The following FAM110B variants were observed in gnomAD, a reference collection of about 807,000 sequenced individuals.
The protein encoded by FAM110B is protein FAM110B.
In FAM110B, 6 loss-of-function variants were observed where a neutral mutation model predicts 20.4. That is an observed-to-expected ratio of 0.29 (90% CI 0.16 to 0.58). The LOEUF (loss-of-function observed/expected upper bound fraction) is 0.58, where lower values mean the gene tolerates loss of function less well. Ranked by LOEUF, FAM110B falls within the 20% of genes least tolerant of loss-of-function variation. The pLI, the probability that FAM110B is intolerant of heterozygous loss-of-function variation, is 0.90. For synonymous variants in FAM110B, 226 were observed against 214.1 expected (o/e 1.06, Z -0.49); for missense variants, 434 against 498.2 (o/e 0.87, Z 1.23).
At chr8:58,002,207 G>A (rs916490149) in intron 1 of FAM110B, among the ~76,000 whole-genome samples, 5 of 152,170 alleles carry the variant, frequency 3.3e-5, no homozygotes, top group African/African-American at 1.2e-4. Context: ...GGTACAGCCA[G>A]AAATAATGTT....
At chr8:58,052,024 A>G (rs1045338502) in intron 2 of FAM110B, among the ~76,000 whole-genome samples, 25 of 152,208 alleles carry the variant, frequency 1.6e-4, no homozygotes, top group African/African-American at 5.8e-4. Flanking sequence ...TAATTTTCTT[A>G]AAGTCAGTAT....
chr8:58,025,359 C>T (rs1483883796), intron 1 of FAM110B, among the ~76,000 whole-genome samples: 1 of 152,118 alleles, frequency 6.6e-6, no homozygotes, highest in Non-Finnish European at 1.5e-5. Flanking sequence ...CAGTGGGTAG[C>T]ATGTGCACAG....
chr8:58,039,879 C>T (rs1805172958), intron 2 of FAM110B, among the ~76,000 whole-genome samples: 1 of 152,192 alleles, frequency 6.6e-6, no homozygotes, highest in Non-Finnish European at 1.5e-5. Context: ...ACCTCAGCTT[C>T]CCAAGTAGCT....
chr8:58,136,060 G>A (rs977230454), intron 3 of FAM110B, among the ~76,000 whole-genome samples: 4 of 133,240 alleles, frequency 3.0e-5, no homozygotes, highest in Non-Finnish European at 6.1e-5. Flanking sequence ...TCTCCAGGCT[G>A]AAGTTCAGTG....
chr8:58,107,746 G>A (rs1225471227), intron 3 of FAM110B, among the ~76,000 whole-genome samples: 1 of 152,190 alleles, frequency 6.6e-6, no homozygotes, highest in East Asian at 1.9e-4. Flanking sequence ...TTACAGTTTT[G>A]GAGAGTGTTC....
intron 3 of FAM110B, among the ~76,000 whole-genome samples, chr8:58,100,030 TCAGTA>T (rs1806737702): frequency 6.6e-6 from 1 of 152,158 alleles, no homozygotes; most frequent in Non-Finnish European, 1.5e-5. Context: ...AAGCCATTTC[TCAGTA>T]CTGTCTGGCC....
Position 58,130,531 on chromosome 8 carries a change from C to T in FAM110B, c.-324-15376C>T, listed in dbSNP as rs538764309. Among the ~76,000 whole-genome samples the T allele has an allele frequency of 3.9e-4, 60 of 152,314 alleles. 1 individual carries two copies. Among genetic ancestry groups the T allele is most frequent in the Middle Eastern group, 3.4e-3 (1 of 294 alleles). On this transcript the variant is annotated intron_variant, in intron 3 of 3. Transcript: ENST00000519262. ...CCCTTAGAATCCAACTATAAAATCT[C>T]CTCCATCTCTACCCTGAATTGTGCA...
At chr8:58,089,862 C>G (rs1490855052) in intron 3 of FAM110B, among the ~76,000 whole-genome samples, 1 of 152,214 alleles carries the variant, frequency 6.6e-6, no homozygotes, top group African/African-American at 2.4e-5. Flanking sequence ...TTGGCATTTT[C>G]TAGAAAATTG....
intron 1 of FAM110B, among the ~76,000 whole-genome samples, chr8:58,025,336 G>T (rs567048416): frequency 6.6e-6 from 1 of 152,204 alleles, no homozygotes; most frequent in South Asian, 2.1e-4. Context: ...GGAGACAGGG[G>T]TATTATTTCA....
intron 3 of FAM110B, among the ~76,000 whole-genome samples, chr8:58,133,205 G>GTTTTTTT (rs59489059): frequency 4.3e-5 from 6 of 140,134 alleles, no homozygotes; most frequent in Non-Finnish European, 3.1e-5. Context: ...GCTCGATTTT[G>GTTTTTTT]TTTTTTTTTT....
At chr8:58,067,896 A>G (rs1805805522) in intron 2 of FAM110B, among the ~76,000 whole-genome samples, 2 of 152,228 alleles carry the variant, frequency 1.3e-5, no homozygotes, top group South Asian at 4.1e-4. Context: ...AATGAGAAAG[A>G]TTCCCAATGA....
At chr8:58,072,696 T>C (rs933037384) in intron 2 of FAM110B, among the ~76,000 whole-genome samples, 1 of 152,200 alleles carries the variant, frequency 6.6e-6, no homozygotes, top group African/African-American at 2.4e-5. Flanking sequence ...CAAACAACAA[T>C]AGGTCTATCA....
chr8:58,092,235 A>G (rs75431534), intron 3 of FAM110B, among the ~76,000 whole-genome samples: 2,928 of 152,068 alleles, frequency 0.019, 51 homozygotes, highest in South Asian at 0.095. Context: ...GAGACATGCT[A>G]TATTTTTCTT....
At chr8:58,019,898 A>G (rs1804715930) in intron 1 of FAM110B, among the ~76,000 whole-genome samples, 1 of 151,964 alleles carries the variant, frequency 6.6e-6, no homozygotes, top group South Asian at 2.1e-4. Context: ...CATTTCATCT[A>G]CATTTGTTCA....
At position 58,146,380 on chromosome 8, in the gene FAM110B, C is replaced by T. The variant is rs777565277; in HGVS notation, c.150C>T (p.Ala50=). The stretch of plus-strand genomic sequence containing the variant: ...AGCCCAACCCCAAGAGGCTCAGCGC[C>T]GTGGAGAGGCTGGAGGCCGACAAGG... ...QAEPNPKRLS[A]VERLEADKAK... The change falls in exon 4 of 4, where the codon GCC becomes GCT. Residue 50 remains alanine, a synonymous_variant. Coordinates refer to ENST00000519262, the MANE Select transcript of FAM110B (RefSeq NM_001377989.1). 3.1e-6 allele frequency: 5 copies of T among 1,614,030 alleles called. No individual in the cohort carries two copies. Among genetic ancestry groups the T allele is most frequent in the Non-Finnish European group, 4.2e-6 (5 of 1,179,990 alleles).
chr8:58,097,907 T>C (rs1048571338), intron 3 of FAM110B, among the ~76,000 whole-genome samples: 9 of 152,200 alleles, frequency 5.9e-5, no homozygotes, highest in African/African-American at 1.4e-4. Context: ...ACAGCAAAGA[T>C]TGCTGCCTGT....
chr8:58,088,688 G>C (rs775769769), intron 3 of FAM110B, among the ~76,000 whole-genome samples: 1 of 152,148 alleles, frequency 6.6e-6, no homozygotes, highest in Non-Finnish European at 1.5e-5. Flanking sequence ...CCTTCATCTT[G>C]GGTTCAGCAG....
intron 2 of FAM110B, among the ~76,000 whole-genome samples, chr8:58,044,739 AACTC>A (rs1372028218): frequency 1.3e-5 from 2 of 152,200 alleles, no homozygotes; most frequent in East Asian, 1.9e-4. Flanking sequence ...AAACAAGCAA[AACTC>A]ACTCACACAT....
chr8:58,063,590 C>A (rs1433568645), intron 2 of FAM110B, among the ~76,000 whole-genome samples: 1 of 152,136 alleles, frequency 6.6e-6, no homozygotes, highest in Non-Finnish European at 1.5e-5. Context: ...TGAACTGTTG[C>A]AGTAAGCATA....
Sources: allele counts gnomAD v4.1 joint callset (sites outside exome capture counted in the v4.1 genomes callset), GRCh38; gene constraint gnomAD v4.1.1; transcripts MANE v1.5; gene names NCBI Gene and HGNC (gene_info 2026-07-23, HGNC 2026-07-21).